The following KIAA0513 variants were observed in gnomAD, a reference collection of about 807,000 sequenced individuals.
KIAA0513 encodes the protein KIAA0513.
In KIAA0513, 39 loss-of-function variants were observed where a neutral mutation model predicts 56.5. The ratio of observed to expected loss-of-function variants is 0.69; its 90% CI spans 0.53 to 0.90. The LOEUF (loss-of-function observed/expected upper bound fraction) is 0.90. Among genes scored for constraint, KIAA0513 ranks in the 40% least tolerant of loss-of-function variants. The pLI, the probability that KIAA0513 is intolerant of heterozygous loss-of-function variation, is 0.00. For missense variants in KIAA0513, 591 were observed against 535.2 expected, an observed-to-expected ratio of 1.10 and a Z score of -1.03; for synonymous variants, 268 against 215.6, an observed-to-expected ratio of 1.24 and a Z score of -2.13.
intron 1 of KIAA0513, among the ~76,000 whole-genome samples, chr16:85,056,180 G>A (rs544801472): frequency 2.0e-5 from 3 of 152,342 alleles, no homozygotes; most frequent in African/African-American, 7.2e-5. Flanking sequence ...ACGGCACGAC[G>A]GTCTGCAGTG....
rs1028316212 is a variant in KIAA0513 at position 85,076,029 on chromosome 16, C to G, written c.574+115C>G. 3 of 746,704 alleles carry G rather than the reference C, an allele frequency of 4.0e-6. No homozygotes were observed. The Admixed American group carries it at 6.5e-5, about 16-fold the overall frequency. The allele number at this position is 746,704 out of a possible 1,614,324, so 46.3% of individuals were successfully genotyped here. On this transcript the variant is annotated intron_variant, in intron 5 of 12. Transcript: ENST00000683363. This position sits in a 1 kb window ranked among gnomAD's most constrained non-coding sequence, Gnocchi z 4.7. ...CAAAAGCTATGGGGCCTCCAGAGAACAGAGGAAGCTGATGTTAGGGAGGAG... is the reference window on the plus strand; with the variant it reads ...CAAAAGCTATGGGGCCTCCAGAGAAGAGAGGAAGCTGATGTTAGGGAGGAG...
In KIAA0513 at chr16:85,070,187, A is replaced by AAAAAG. The variant is rs1555523564; in HGVS notation, c.330-1593_330-1592insAGAAA. 1.0e-3 allele frequency among the ~76,000 whole-genome samples: 149 copies of AAAAAG among 147,538 alleles called. 2 individuals carry two copies. Among genetic ancestry groups the AAAAAG allele is most frequent in the Middle Eastern group, 7.0e-3 (2 of 286 alleles). On this transcript the variant is annotated intron_variant, in intron 2 of 12. Transcript: ENST00000683363. Reference sequence around the variant, plus strand: ...CCCTGTCTCAAAAAAAAAAAAAGAAAAAAGAAAGAAATTTTGCGTTTTACT... The same window carrying AAAAAG: ...CCCTGTCTCAAAAAAAAAAAAAGAAAAAAAGAAAGAAAGAAATTTTGCGTTTTACT...
intron 10 of KIAA0513, 146 bp downstream of exon 10, chr16:85,082,739 G>C (rs1597646482): frequency 1.2e-6 from 1 of 800,634 alleles, no homozygotes; most frequent in African/African-American, 1.7e-5. Context: ...CGGGGAGGGC[G>C]GCCCTGGGGA....
In KIAA0513 at chr16:85,077,680, G is replaced by A. The variant is rs775449191; in HGVS notation, c.782+48G>A. On this transcript the variant is annotated intron_variant, in intron 6 of 12. Transcript: ENST00000683363. Reference sequence around the variant, plus strand: ...TCCCACCTGCAGGGGACTGGGGAGAGGCTGGTGTGGAGCTCGGACGGGGGC... The same window carrying A: ...TCCCACCTGCAGGGGACTGGGGAGAAGCTGGTGTGGAGCTCGGACGGGGGC... 3.5e-6 allele frequency: 5 copies of A among 1,448,340 alleles called. No homozygotes were observed. In the South Asian group the frequency reaches 3.8e-5, roughly 11 times the overall value. 89.7% of individuals were successfully genotyped at this position (1,448,340 alleles called of 1,614,324 possible).
chr16:85,049,511 T>C (rs2073218499), intron 1 of KIAA0513, among the ~76,000 whole-genome samples: 1 of 152,210 alleles, frequency 6.6e-6, no homozygotes, highest in Admixed American at 6.5e-5. Flanking sequence ...TTCTCATGAA[T>C]GGTTTAGTGC....
intron 7 of KIAA0513, 25 bp downstream of exon 7, chr16:85,078,480 G>T (rs371294943): frequency 4.3e-6 from 7 of 1,610,574 alleles, no homozygotes; most frequent in Non-Finnish European, 5.1e-6. Context: ...GCAGCAGCAG[G>T]AGACGCCCAG....
Position 85,071,860 on chromosome 16 carries a change from T to A in KIAA0513, c.407T>A (p.Phe136Tyr), listed in dbSNP as rs751947167. The change falls in exon 3 of 13, where the codon TTT becomes TAT. Residue 136 changes from phenylalanine (F) to tyrosine (Y), a missense_variant. Physicochemically the swap from Phe to Tyr is conservative, Grantham distance 22. Coordinates refer to ENST00000683363, the MANE Select transcript of KIAA0513 (RefSeq NM_001388359.1). Reference sequence around the variant, plus strand: ...GAAAATGGAAAAGGCCGGGAGTGGTTTGCTCGATACGTGAGTGCCCAGGTA... The same window carrying A: ...GAAAATGGAAAAGGCCGGGAGTGGTATGCTCGATACGTGAGTGCCCAGGTA... ...SSENGKGREW[F>Y]ARYVSAQRCN... 1.2e-6 allele frequency: 2 copies of A among 1,612,706 alleles called. No individual in the cohort carries two copies. The highest frequency in any genetic ancestry group is 3.3e-5 in the Admixed American group (2 of 59,898).
chr16:85,070,570 C>A (rs1217386490), intron 2 of KIAA0513, among the ~76,000 whole-genome samples: 1 of 152,032 alleles, frequency 6.6e-6, no homozygotes, highest in Non-Finnish European at 1.5e-5. Flanking sequence ...CCCTGCTACT[C>A]GGGAGGCTGA....
chr16:85,081,287 A>T lies in KIAA0513; in HGVS notation c.903-28A>T. On this transcript the variant is annotated intron_variant, in intron 8 of 12. Transcript: ENST00000683363. The surrounding 1 kb of genome is among the most constrained non-coding windows in gnomAD (Gnocchi z 4.4). ...GTGTCCTCCCCGCCTCCCCTTGGAG[A>T]GAGTGTGACTGGGGCTCTGTCTTGC... 1 of 1,610,920 alleles carries T rather than the reference A, an allele frequency of 6.2e-7. No homozygotes were observed. The highest frequency in any genetic ancestry group is 8.5e-7 in the Non-Finnish European group (1 of 1,177,628).
intron 1 of KIAA0513, among the ~76,000 whole-genome samples, chr16:85,052,404 C>G (rs563581262): frequency 6.6e-6 from 1 of 152,084 alleles, no homozygotes; most frequent in Non-Finnish European, 1.5e-5. Flanking sequence ...CCCAGCTACT[C>G]GGGAGGCTGA....
chr16:85,039,389 A>G (rs777176416), intron 1 of KIAA0513, among the ~76,000 whole-genome samples: 8 of 151,918 alleles, frequency 5.3e-5, no homozygotes, highest in African/African-American at 1.7e-4. Context: ...TGCAGCCTCA[A>G]CCTCCTGGGA....
At chr16:85,058,592 C>T (rs773519876) in intron 1 of KIAA0513, among the ~76,000 whole-genome samples, 1 of 150,688 alleles carries the variant, frequency 6.6e-6, no homozygotes, top group Non-Finnish European at 1.5e-5. Context: ...GCAAAGGTTG[C>T]GGTGAGCCAA....
At position 85,081,290 on chromosome 16, in the gene KIAA0513, G is replaced by A. The variant is rs2073740570; in HGVS notation, c.903-25G>A. The stretch of plus-strand genomic sequence containing the variant: ...TCCTCCCCGCCTCCCCTTGGAGAGA[G>A]TGTGACTGGGGCTCTGTCTTGCAGG... On this transcript the variant is annotated intron_variant, in intron 8 of 12. Coordinates refer to ENST00000683363, the MANE Select transcript of KIAA0513 (RefSeq NM_001388359.1). The surrounding 1 kb of genome is among the most constrained non-coding windows in gnomAD (Gnocchi z 4.4). The A allele has an allele frequency of 1.9e-6, 3 of 1,611,996 alleles. No homozygotes were observed. Among genetic ancestry groups the A allele is most frequent in the African/African-American group, 1.3e-5 (1 of 74,894 alleles).
chr16:85,088,381 C>A lies in KIAA0513; in HGVS notation c.*56C>A. ...GAGGCCATGTGCCATTCTCCCGGGCCCAGCGCCCGGCCGTCACCCCACCCG... is the reference window on the plus strand; with the variant it reads ...GAGGCCATGTGCCATTCTCCCGGGCACAGCGCCCGGCCGTCACCCCACCCG... On this transcript the variant is annotated 3_prime_UTR_variant, in exon 13 of 13. Coordinates refer to ENST00000683363, the MANE Select transcript of KIAA0513 (RefSeq NM_001388359.1). The A allele has an allele frequency of 6.6e-7, 1 of 1,508,710 alleles. No individual in the cohort carries two copies. Among genetic ancestry groups the A allele is most frequent in the Non-Finnish European group, 9.1e-7 (1 of 1,096,424 alleles). The allele number at this position is 1,508,710 out of a possible 1,614,324, so 93.5% of individuals were successfully genotyped here. A position where few individuals can be genotyped will look rare whatever the true frequency, so the allele number is the denominator to read the frequency against.
At position 85,072,984 on chromosome 16, in the gene KIAA0513, A is replaced by G. The variant is rs201225053; in HGVS notation, c.489A>G (p.Ala163=). The change falls in exon 4 of 13, where the codon GCA becomes GCG. Residue 163 remains alanine, a synonymous_variant. Coordinates refer to ENST00000683363, the MANE Select transcript of KIAA0513 (RefSeq NM_001388359.1). ...ATFYRLVQSF[A]VVLFECHQMD... ...TCTACCGCCTGGTGCAGTCTTTTGC[A>G]GTGGTGCTGTTCGAGTAAGTAATGC... 1.9e-6 allele frequency: 3 copies of G among 1,614,084 alleles called. No individual in the cohort carries two copies. Among genetic ancestry groups the G allele is most frequent in the Non-Finnish European group, 1.7e-6 (2 of 1,179,952 alleles).
intron 1 of KIAA0513, among the ~76,000 whole-genome samples, chr16:85,028,287 T>G (rs542362046): frequency 6.6e-6 from 1 of 152,196 alleles, no homozygotes; most frequent in South Asian, 2.1e-4. Context: ...AAGGGCATTC[T>G]GGGGAGAGGG....
At chr16:85,033,178 C>A (rs138032376) in intron 1 of KIAA0513, among the ~76,000 whole-genome samples, 1 of 152,250 alleles carries the variant, frequency 6.6e-6, no homozygotes, top group South Asian at 2.1e-4. Context: ...AAGTACTGAC[C>A]GTTGTGCTTC....
intron 2 of KIAA0513, among the ~76,000 whole-genome samples, chr16:85,068,162 C>CTT (rs35138609): frequency 2.2e-5 from 3 of 138,270 alleles, no homozygotes; most frequent in African/African-American, 2.7e-5. Flanking sequence ...TCCACGCATT[C>CTT]TTTTTTTTTT....
chr16:85,028,528 G>C (rs560287002), intron 1 of KIAA0513, among the ~76,000 whole-genome samples: 1 of 152,270 alleles, frequency 6.6e-6, no homozygotes, highest in East Asian at 1.9e-4. Flanking sequence ...TAGCAGCTCA[G>C]TTTAGGACCG....
Sources: gnomAD v4.1 joint callset for allele counts (sites outside exome capture counted in the v4.1 genomes callset) on GRCh38, gnomAD v4.1.1 for gene constraint, Gnocchi (gnomAD v3.1) non-coding constraint, MANE v1.5 for transcripts, NCBI Gene and HGNC (gene_info 2026-07-23, HGNC 2026-07-21) for gene names.